ALX1: variants seen among roughly 807,000 people sequenced by gnomAD.
ALX1 encodes the protein ALX homeobox 1, also known as ALX homeobox protein 1.
ALX1 carries 19 observed loss-of-function variants against 31.7 expected under a neutral mutation model. The observed-to-expected ratio is 0.60, with a 90% CI of 0.42 to 0.88. The LOEUF is 0.88. ALX1 is among the 40% of genes least tolerant of loss of function. ALX1 has a pLI of 0.00. For synonymous variants in ALX1, 153 were observed against 148.8 expected (o/e 1.03, Z -0.20); for missense variants, 415 against 407.8 (o/e 1.02, Z -0.15).
chr12:85,281,018 G>A (rs1390667049), intron 1 of ALX1, among the ~76,000 whole-genome samples: 1 of 152,118 alleles, frequency 6.6e-6, no homozygotes, highest in Non-Finnish European at 1.5e-5. Flanking sequence ...TCCAAGACGT[G>A]GCGATATATT....
chr12:85,295,401 T>G (rs912841358), intron 3 of ALX1, among the ~76,000 whole-genome samples: 3 of 151,556 alleles, frequency 2.0e-5, no homozygotes, highest in Admixed American at 6.6e-5. Flanking sequence ...CTTAAAAAAT[T>G]TAGCTGTTTT....
chr12:85,295,494 T>C (rs1363196774), intron 3 of ALX1, among the ~76,000 whole-genome samples: 1 of 151,588 alleles, frequency 6.6e-6, no homozygotes, highest in African/African-American at 2.4e-5. Flanking sequence ...TCTTAATACA[T>C]TTATATAGTA....
Position 85,301,503 on chromosome 12 carries a change from A to G in ALX1, c.*28A>G, listed in dbSNP as rs1399599436. On this transcript the variant is annotated 3_prime_UTR_variant, in exon 4 of 4. Coordinates refer to ENST00000316824, the MANE Select transcript of ALX1 (RefSeq NM_006982.3). ...TACAGTACTCTTTTATTTTTCTTTT[A>G]ATAGCAAAGTTAAACATTCTTATTT... 3.7e-6 allele frequency: 6 copies of G among 1,603,474 alleles called. No homozygotes were observed. Among genetic ancestry groups the G allele is most frequent in the Non-Finnish European group, 5.1e-6 (6 of 1,173,184 alleles).
At chr12:85,284,778 G>T (rs1302687236) in intron 2 of ALX1, among the ~76,000 whole-genome samples, 1 of 151,958 alleles carries the variant, frequency 6.6e-6, no homozygotes, top group Admixed American at 6.6e-5. Flanking sequence ...CAGGATAATG[G>T]CCTTGGTCTT....
At chr12:85,292,955 A>G (rs934522540) in intron 3 of ALX1, among the ~76,000 whole-genome samples, 1 of 149,784 alleles carries the variant, frequency 6.7e-6, no homozygotes, top group African/African-American at 2.4e-5. Context: ...TATTACTAAT[A>G]TAGCGGTAAT....
At chr12:85,293,801 A>G (rs1307114230) in intron 3 of ALX1, among the ~76,000 whole-genome samples, 1 of 151,154 alleles carries the variant, frequency 6.6e-6, no homozygotes, top group Non-Finnish European at 1.5e-5. Flanking sequence ...AAAGCCCAGG[A>G]AGTCTATTAG....
At chr12:85,291,887 G>C (rs1219134420) in intron 3 of ALX1, among the ~76,000 whole-genome samples, 1 of 151,064 alleles carries the variant, frequency 6.6e-6, no homozygotes. Flanking sequence ...CAGTCAGAGA[G>C]GTGTGGGTTC....
Position 85,286,988 on chromosome 12 carries a change from TA to T in ALX1, c.660+10del. 1 of 1,611,778 alleles carries T rather than the reference TA, an allele frequency of 6.2e-7. No homozygotes were observed. Among genetic ancestry groups the T allele is most frequent in the African/African-American group, 1.3e-5 (1 of 74,940 alleles). On this transcript the variant is annotated splice_region_variant and intron_variant, in intron 3 of 3. Transcript: ENST00000316824. ...GACTGACAGCTACCCACAGGTATGC[TA>T]AACTACACAGAATACTGATCAAGAA... is the stretch of plus-strand genomic sequence containing the variant.
At chr12:85,289,046 A>T (rs564976150) in intron 3 of ALX1, among the ~76,000 whole-genome samples, 3 of 151,344 alleles carry the variant, frequency 2.0e-5, no homozygotes, top group Non-Finnish European at 4.4e-5. Flanking sequence ...ACAACACTTG[A>T]CTATGACTAC....
At chr12:85,289,940 A>C (rs1270172034) in intron 3 of ALX1, among the ~76,000 whole-genome samples, 2 of 151,126 alleles carry the variant, frequency 1.3e-5, no homozygotes, top group African/African-American at 4.8e-5. Flanking sequence ...ATCTCAGTCT[A>C]ATAAGACATT....
chr12:85,295,271 A>G (rs1896872230), intron 3 of ALX1, among the ~76,000 whole-genome samples: 1 of 151,420 alleles, frequency 6.6e-6, no homozygotes, highest in Non-Finnish European at 1.5e-5. Context: ...AGAAAAGTTA[A>G]TGGGATCCTA....
intron 2 of ALX1, among the ~76,000 whole-genome samples, chr12:85,285,508 A>C (rs528237439): frequency 1.3e-5 from 2 of 152,060 alleles, no homozygotes; most frequent in Non-Finnish European, 2.9e-5. Flanking sequence ...TGCATTTATC[A>C]GCAGTGTACT....
At chr12:85,281,343 A>G (rs1187769379) in intron 1 of ALX1, among the ~76,000 whole-genome samples, 2 of 152,202 alleles carry the variant, frequency 1.3e-5, no homozygotes, top group African/African-American at 4.8e-5. Context: ...TTGTAACCTA[A>G]TACTAACCTA....
chr12:85,299,656 T>TGAAA (rs1896936759), intron 3 of ALX1, among the ~76,000 whole-genome samples: 1 of 151,810 alleles, frequency 6.6e-6, no homozygotes, highest in Non-Finnish European at 1.5e-5. Context: ...TTATTAAGGT[T>TGAAA]TTTCTCTTAC....
At chr12:85,284,970 C>A (rs1041413847) in intron 2 of ALX1, among the ~76,000 whole-genome samples, 1 of 151,994 alleles carries the variant, frequency 6.6e-6, no homozygotes, top group Admixed American at 6.6e-5. Flanking sequence ...GGATAACAAG[C>A]AGCAGATTTT....
chr12:85,290,307 A>G (rs1429381752), intron 3 of ALX1, among the ~76,000 whole-genome samples: 6 of 151,142 alleles, frequency 4.0e-5, no homozygotes, highest in Non-Finnish European at 7.4e-5. Flanking sequence ...TCCTTCTTGT[A>G]TCTATTAACC....
chr12:85,296,691 A>C (rs1449335859), intron 3 of ALX1, among the ~76,000 whole-genome samples: 1 of 151,624 alleles, frequency 6.6e-6, no homozygotes, highest in Admixed American at 6.6e-5. Context: ...CCTTTTAAAC[A>C]CAACAAAGAA....
At chr12:85,297,897 G>C (rs2137393140) in intron 3 of ALX1, among the ~76,000 whole-genome samples, 1 of 151,716 alleles carries the variant, frequency 6.6e-6, no homozygotes, top group Admixed American at 6.6e-5. Flanking sequence ...TGATTTGGGA[G>C]TTCATATTAT....
intron 3 of ALX1, among the ~76,000 whole-genome samples, chr12:85,299,127 G>T (rs1430316624): frequency 6.7e-6 from 1 of 148,194 alleles, no homozygotes; most frequent in Non-Finnish European, 1.5e-5. Context: ...TCATTATGTT[G>T]TCTTCCTTTT....
Sources: allele counts gnomAD v4.1 joint callset (sites outside exome capture counted in the v4.1 genomes callset), GRCh38; gene constraint gnomAD v4.1.1; transcripts MANE v1.5; gene names NCBI Gene and HGNC (gene_info 2026-07-23, HGNC 2026-07-21).